Variants in VRK2 observed in about 807,000 individuals in gnomAD.
VRK2 encodes VRK serine/threonine kinase 2, also known as serine/threonine-protein kinase VRK2.
In VRK2, 60 loss-of-function variants were observed where a neutral mutation model predicts 57.6. The ratio of observed to expected loss-of-function variants is 1.04; its 90% confidence interval spans 0.85 to 1.29. The LOEUF (loss-of-function observed/expected upper bound fraction) is 1.29. VRK2 is among the 50% of genes most tolerant of loss of function. The pLI is 0.00. For missense variants in VRK2, 705 were observed against 588.1 expected, an observed-to-expected ratio of 1.20 and a Z score of -2.06; for synonymous variants, 231 against 199.2, an observed-to-expected ratio of 1.16 and a Z score of -1.35.
chr2:58,116,946 GTGC>G (rs1676612377), intron 7 of VRK2, among the ~76,000 whole-genome samples: 1 of 152,198 alleles, frequency 6.6e-6, no homozygotes, highest in African/African-American at 2.4e-5. Context: ...AAGTTCTTGT[GTGC>G]TGGAGATGTG....
At chr2:58,159,156 G>A in intron 12 of VRK2, 193 bp from the exon 13 acceptor site, 1 of 448,478 alleles carries the variant, frequency 2.2e-6, no homozygotes, top group Non-Finnish European at 3.9e-6. Context: ...AGATTTGCTT[G>A]TTGGATGTTT....
intron 1 of VRK2, among the ~76,000 whole-genome samples, chr2:57,964,308 G>C (rs187582674): frequency 3.3e-5 from 5 of 152,240 alleles, no homozygotes; most frequent in South Asian, 4.1e-4. Flanking sequence ...TCAAAAGGTA[G>C]AGAAAATATA....
intron 1 of VRK2, among the ~76,000 whole-genome samples, chr2:57,959,697 C>A (rs973611292): frequency 1.3e-5 from 2 of 152,198 alleles, no homozygotes; most frequent in African/African-American, 2.4e-5. Flanking sequence ...GCTTAATTAA[C>A]CCTTGGAAAA....
At chr2:58,066,747 AC>A (rs1458810365) in intron 2 of VRK2, among the ~76,000 whole-genome samples, 2 of 152,170 alleles carry the variant, frequency 1.3e-5, no homozygotes, top group African/African-American at 2.4e-5. Flanking sequence ...AAATGGTTTC[AC>A]TTTCTTTAGT....
chr2:58,155,058 G>C (rs1156488415), intron 12 of VRK2, among the ~76,000 whole-genome samples: 1 of 152,016 alleles, frequency 6.6e-6, no homozygotes, highest in African/African-American at 2.4e-5. Context: ...CGGTCTGCCT[G>C]GTTGAATGTT....
chr2:57,931,931 G>C (rs1053183316), intron 1 of VRK2, among the ~76,000 whole-genome samples: 2 of 151,546 alleles, frequency 1.3e-5, no homozygotes, highest in Non-Finnish European at 1.5e-5. Flanking sequence ...TTGAATGTAC[G>C]TACATAGGTT....
rs942031853 is a variant in VRK2, at chr2:58,080,431, C to T, written c.137-3658C>T. The stretch of plus-strand genomic sequence containing the variant: ...TTCAATGTATTTATTGTCTGCTTGC[C>T]TATACATTATGGGACTGTATTAAAA... On this transcript the variant is annotated intron_variant, in intron 2 of 12. Coordinates refer to ENST00000340157, the MANE Select transcript of VRK2 (RefSeq NM_006296.7). Among the ~76,000 whole-genome samples the T allele has an allele frequency of 5.3e-5, 8 of 151,828 alleles. No homozygotes were observed. The East Asian group carries it at 1.5e-3, about 29-fold the overall frequency.
At chr2:58,082,454 G>A (rs1212212902) in intron 2 of VRK2, among the ~76,000 whole-genome samples, 3 of 151,882 alleles carry the variant, frequency 2.0e-5, no homozygotes, top group Admixed American at 6.6e-5. Context: ...GCAAAGACAA[G>A]TGCCTAAAGT....
chr2:57,925,926 T>C (rs956440841), intron 1 of VRK2, among the ~76,000 whole-genome samples: 1 of 152,006 alleles, frequency 6.6e-6, no homozygotes, highest in Non-Finnish European at 1.5e-5. Flanking sequence ...GTATGTTCTG[T>C]TTCCATTATC....
At chr2:57,928,786 T>C (rs943894372) in intron 1 of VRK2, among the ~76,000 whole-genome samples, 1 of 152,232 alleles carries the variant, frequency 6.6e-6, no homozygotes, top group Non-Finnish European at 1.5e-5. Context: ...AGCCCAGTAA[T>C]GCTGTGGTTC....
Position 57,917,736 on chromosome 2 carries a change from T to A in VRK2, c.-439+9897T>A, listed in dbSNP as rs184029799. On this transcript the variant is annotated intron_variant, in intron 1 of 15. Coordinates refer to the VRK2 transcript ENST00000417641. ...AATGAAATGTTGATATAGCTTTACTTTAATGGTTAAGAGAGGGGATGGCTT... is the reference window on the plus strand; with the variant it reads ...AATGAAATGTTGATATAGCTTTACTATAATGGTTAAGAGAGGGGATGGCTT... Among the ~76,000 whole-genome samples, 108 of 151,992 alleles carry A rather than the reference T, an allele frequency of 7.1e-4. 1 individual carries two copies. Among genetic ancestry groups the A allele is most frequent in the Middle Eastern group, 3.4e-3 (1 of 294 alleles).
At chr2:58,034,718 C>G (rs1674219225) in intron 3 of VRK2, among the ~76,000 whole-genome samples, 1 of 151,680 alleles carries the variant, frequency 6.6e-6, no homozygotes, top group Non-Finnish European at 1.5e-5. Context: ...CATCTTTGTT[C>G]TTCATTCCTC....
At chr2:58,096,029 T>G (rs1292028846) in intron 7 of VRK2, among the ~76,000 whole-genome samples, 1 of 152,086 alleles carries the variant, frequency 6.6e-6, no homozygotes, top group African/African-American at 2.4e-5. Flanking sequence ...TTTTTCAGAG[T>G]CTTGTTTAAC....
intron 2 of VRK2, chr2:58,058,596 G>A (rs974254293): frequency 1.1e-5 from 3 of 268,490 alleles, no homozygotes; most frequent in African/African-American, 6.8e-5. Flanking sequence ...TGAAAGAAGA[G>A]TCTGGTAAAG....
chr2:58,102,482 CA>C (rs377025323), intron 7 of VRK2, among the ~76,000 whole-genome samples: 2 of 116,640 alleles, frequency 1.7e-5, no homozygotes, highest in African/African-American at 6.8e-5. Context: ...GGCTTTAAAT[CA>C]AAAACAGTTA....
intron 1 of VRK2, among the ~76,000 whole-genome samples, chr2:58,023,699 C>T (rs929617270): frequency 2.6e-5 from 4 of 152,070 alleles, no homozygotes; most frequent in Non-Finnish European, 5.9e-5. Context: ...TTTCTGTCTT[C>T]GTCTTTAGAT....
intron 1 of VRK2, among the ~76,000 whole-genome samples, chr2:57,995,615 A>G (rs1012455428): frequency 5.9e-5 from 9 of 152,226 alleles, no homozygotes; most frequent in South Asian, 2.1e-4. Context: ...AAATAACTGT[A>G]TAAGTGCTTT....
At chr2:58,118,040 A>C (rs1676796140) in intron 7 of VRK2, among the ~76,000 whole-genome samples, 1 of 152,154 alleles carries the variant, frequency 6.6e-6, no homozygotes, top group African/African-American at 2.4e-5. Context: ...CTTGCCCCCT[A>C]GAAAAGTGGG....
intron 1 of VRK2, among the ~76,000 whole-genome samples, chr2:57,926,501 T>G (rs1010630235): frequency 5.3e-5 from 8 of 149,872 alleles, no homozygotes; most frequent in South Asian, 2.1e-4. Flanking sequence ...TATATATATA[T>G]AGTGTGTGTA....
Sources: allele counts gnomAD v4.1 joint callset (sites outside exome capture counted in the v4.1 genomes callset), GRCh38; gene constraint gnomAD v4.1.1; transcripts MANE v1.5; gene names NCBI Gene and HGNC (gene_info 2026-07-23, HGNC 2026-07-21).